DDB2: variants seen among roughly 807,000 people sequenced by gnomAD.
The protein encoded by DDB2 is damage specific DNA binding protein 2.
DDB2 carries 27 observed loss-of-function variants against 50.5 expected under a neutral mutation model. The ratio of observed to expected loss-of-function variants is 0.53; its 90% CI spans 0.39 to 0.74. The LOEUF is 0.74. Ranked by LOEUF, DDB2 falls within the 30% of genes least tolerant of loss-of-function variation. DDB2 has a pLI of 0.00. For missense variants in DDB2, 424 were observed against 545.6 expected, an observed-to-expected ratio of 0.78 and a Z score of 2.22; for synonymous variants, 176 against 205.5, an observed-to-expected ratio of 0.86 and a Z score of 1.23.
rs550587671 is a variant in DDB2, at chr11:47,233,426, C to T, written c.602+467C>T. On this transcript the variant is annotated intron_variant, in intron 4 of 9. Transcript: ENST00000256996. ...TGGCTGGAGAAATTACAGAATGCGG[C>T]CGGGTGCAGTGGCTCATGCTTGAAA... 263 of 232,114 alleles carry T rather than the reference C, an allele frequency of 1.1e-3. 4 individuals are homozygous for T. The Middle Eastern group carries it at 0.014, about 12-fold the overall frequency. 14.4% of individuals were successfully genotyped at this position (232,114 alleles called of 1,614,324 possible).
intron 4 of DDB2, among the ~76,000 whole-genome samples, chr11:47,234,147 C>A (rs1026627235): frequency 9.9e-5 from 15 of 152,258 alleles, no homozygotes; most frequent in South Asian, 8.3e-4. Flanking sequence ...GCTTTTCTAG[C>A]CAGCTCTGAG....
At chr11:47,230,525 GAAC>G (rs1454237623) in intron 3 of DDB2, among the ~76,000 whole-genome samples, 1 of 152,196 alleles carries the variant, frequency 6.6e-6, no homozygotes, top group Non-Finnish European at 1.5e-5. Context: ...ACAGGTTTGA[GAAC>G]AACTACAACC....
At chr11:47,234,519 T>C in intron 4 of DDB2, 54 bp from the exon 5 acceptor site, 1 of 1,465,118 alleles carries the variant, frequency 6.8e-7, no homozygotes, top group Middle Eastern at 1.7e-4. Context: ...CAACAGTGAG[T>C]AAATAGGACT....
At chr11:47,229,477 G>A (rs924666797) in intron 3 of DDB2, among the ~76,000 whole-genome samples, 1 of 152,164 alleles carries the variant, frequency 6.6e-6, no homozygotes, top group Admixed American at 6.5e-5. Flanking sequence ...GAGGGTAAAA[G>A]AGTCCAAGCA....
At chr11:47,217,620 A>C (rs1953420181) in intron 3 of DDB2, among the ~76,000 whole-genome samples, 1 of 151,592 alleles carries the variant, frequency 6.6e-6, no homozygotes, top group Non-Finnish European at 1.5e-5. Flanking sequence ...GGCTGGGCGC[A>C]GTGGCTCAGG....
rs956219237 is a variant in DDB2, at chr11:47,215,205, G to A, written c.69G>A (p.Arg23=). 6.2e-7 allele frequency: 1 copy of A among 1,614,038 alleles called. No homozygotes were observed. Among genetic ancestry groups the A allele is most frequent in the Non-Finnish European group, 8.5e-7 (1 of 1,180,026 alleles). ...SEIVLRPRNK[R]SRSPLELEPE... ...TTGTATTACGCCCCAGGAACAAGAG[G>A]AGCAGGAGTCCCCTGGAGCTGGAGC... The change falls in exon 1 of 10, where the codon AGG becomes AGA. Residue 23 remains arginine (R), a synonymous_variant. Coordinates refer to ENST00000256996, the MANE Select transcript of DDB2 (RefSeq NM_000107.3).
In DDB2 at chr11:47,232,897, A is replaced by G. The variant is rs1440844986; in HGVS notation, c.540A>G (p.Thr180=). The change falls in exon 4 of 10, where the codon ACA becomes ACG. Residue 180 remains threonine, a synonymous_variant. Coordinates refer to ENST00000256996, the MANE Select transcript of DDB2 (RefSeq NM_000107.3). ...TTTACGCCTCCTCAATGGAGGGAAC[A>G]ACTAGGCTGCAAGACTTTAAAGGCA... ...NQFYASSMEG[T]TRLQDFKGNI... is the part of the protein sequence containing the mutation. 5 of 1,614,212 alleles carry G rather than the reference A, an allele frequency of 3.1e-6. No individual in the cohort carries two copies. Among genetic ancestry groups the G allele is most frequent in the South Asian group, 1.1e-5 (1 of 91,086 alleles).
intron 2 of DDB2, 96 bp from the exon 3 acceptor site, chr11:47,216,762 C>CT: frequency 7.6e-7 from 1 of 1,309,170 alleles, no homozygotes; most frequent in East Asian, 2.3e-5. Flanking sequence ...GGTGGGAGGA[C>CT]TTGGATCTAG....
chr11:47,238,534 G>T (rs545876083), intron 9 of DDB2, among the ~76,000 whole-genome samples: 10 of 152,210 alleles, frequency 6.6e-5, no homozygotes, highest in Non-Finnish European at 1.3e-4. Flanking sequence ...GAGTAGCTAG[G>T]ACTACAGGTG....
At position 47,215,056 on chromosome 11, in the gene DDB2, C is replaced by T; in HGVS notation, c.-81C>T. On this transcript the variant is annotated 5_prime_UTR_variant, in exon 1 of 10. Transcript: ENST00000256996. ...GGCCCCGCAGTTTTGTAGTCCCCGCCTTGTTTCTCCCCAGAGGCCTCTCAA... is the reference window on the plus strand; with the variant it reads ...GGCCCCGCAGTTTTGTAGTCCCCGCTTTGTTTCTCCCCAGAGGCCTCTCAA... 3.1e-6 allele frequency: 5 copies of T among 1,607,530 alleles called. No individual in the cohort carries two copies. Among genetic ancestry groups the T allele is most frequent in the Non-Finnish European group, 4.3e-6 (5 of 1,175,228 alleles).
At chr11:47,233,748 T>A (rs1273450424) in intron 4 of DDB2, among the ~76,000 whole-genome samples, 1 of 151,836 alleles carries the variant, frequency 6.6e-6, no homozygotes, top group Non-Finnish European at 1.5e-5. Context: ...CTCGTCACTT[T>A]GATTTCCAGC....
chr11:47,230,753 G>C (rs4647732), intron 3 of DDB2, among the ~76,000 whole-genome samples: 1 of 152,152 alleles, frequency 6.6e-6, no homozygotes, highest in Non-Finnish European at 1.5e-5. Flanking sequence ...TAGCTGCAGC[G>C]TAAAGAAGAA....
chr11:47,216,090 C>T, intron 1 of DDB2: 1 of 621,532 alleles, frequency 1.6e-6, no homozygotes, highest in Non-Finnish European at 2.9e-6. Context: ...CTCAGGAACC[C>T]TGCACGACTG....
intron 5 of DDB2, 24 bp from the exon 6 acceptor site, chr11:47,234,733 C>G: frequency 6.2e-7 from 1 of 1,614,074 alleles, no homozygotes. Flanking sequence ...TGTGTCCCCA[C>G]CTGAACCGAG....
chr11:47,238,771 G>A (rs1388152804), intron 9 of DDB2, 29 bp from the exon 10 acceptor site: 3 of 1,612,550 alleles, frequency 1.9e-6, no homozygotes, highest in Non-Finnish European at 2.5e-6. Context: ...AACAGAAAGT[G>A]TAAGTCAGAC....
intron 6 of DDB2, 71 bp downstream of exon 6, chr11:47,235,005 T>C (rs1271115381): frequency 1.3e-5 from 21 of 1,556,706 alleles, no homozygotes; most frequent in Non-Finnish European, 1.9e-5. Flanking sequence ...TTTCCCTCAG[T>C]GTGGAAGCCA....
At chr11:47,237,663 C>T (rs969775351) in intron 7 of DDB2, 174 bp from the exon 8 acceptor site, 2 of 661,524 alleles carry the variant, frequency 3.0e-6, no homozygotes, top group Non-Finnish European at 5.4e-6. Flanking sequence ...TCTCGATCTC[C>T]TGACCTCGTG....
chr11:47,226,278 C>CTTT (rs759607243), intron 3 of DDB2, among the ~76,000 whole-genome samples: 32,345 of 138,982 alleles, frequency 0.23, 4,404 homozygotes, highest in Middle Eastern at 0.35. Flanking sequence ...CATTTATTTT[C>CTTT]TTTTTTTTTT....
chr11:47,214,958 G>A (rs1437803703), upstream of DDB2: 5 of 851,104 alleles, frequency 5.9e-6, no homozygotes, highest in Admixed American at 2.3e-5. Flanking sequence ...GACGGGTGGG[G>A]CCGGAGCTCC....
Sources: gnomAD v4.1 joint callset for allele counts (sites outside exome capture counted in the v4.1 genomes callset) on GRCh38, gnomAD v4.1.1 for gene constraint, MANE v1.5 for transcripts, NCBI Gene and HGNC (gene_info 2026-07-23, HGNC 2026-07-21) for gene names.